TAF4B: variants seen among roughly 807,000 people sequenced by gnomAD.
The protein encoded by TAF4B is transcription initiation factor TFIID subunit 4B.
Under a neutral mutation model 86.4 loss-of-function variants are expected in TAF4B, and 38 were observed. The ratio of observed to expected loss-of-function variants is 0.44; its 90% CI spans 0.34 to 0.58. The LOEUF is 0.58. TAF4B is among the 20% of genes least tolerant of loss of function. The pLI is 0.02. For missense variants in TAF4B, 988 were observed against 1,027.6 expected (o/e 0.96, Z 0.53); for synonymous variants, 388 against 391.2 (o/e 0.99, Z 0.10).
At chr18:26,285,409 A>T (rs2056507521) in intron 6 of TAF4B, among the ~76,000 whole-genome samples, 1 of 151,528 alleles carries the variant, frequency 6.6e-6, no homozygotes, top group South Asian at 2.1e-4. Context: ...GCTGGTCTCA[A>T]ACTCCTGGCC....
At chr18:26,295,234 G>T (rs2049948224) in intron 9 of TAF4B, 2 of 402,550 alleles carry the variant, frequency 5.0e-6, no homozygotes, top group Non-Finnish European at 5.0e-6. Flanking sequence ...TTCACCATCG[G>T]TCTTTTTTTC....
intron 9 of TAF4B, among the ~76,000 whole-genome samples, chr18:26,299,972 CTT>C (rs1281757613): frequency 2.6e-5 from 4 of 151,946 alleles, no homozygotes; most frequent in Admixed American, 6.6e-5. Context: ...TAGTCTCTCT[CTT>C]TTTATTAGTA....
At chr18:26,276,890 G>A (rs2056390673) in intron 5 of TAF4B, among the ~76,000 whole-genome samples, 1 of 152,088 alleles carries the variant, frequency 6.6e-6, no homozygotes, top group Non-Finnish European at 1.5e-5. Flanking sequence ...GAATTTTATG[G>A]ACAGATAGAA....
chr18:26,317,797 A>G (rs1266688517), intron 10 of TAF4B, among the ~76,000 whole-genome samples: 1 of 152,182 alleles, frequency 6.6e-6, no homozygotes, highest in African/African-American at 2.4e-5. Context: ...GGGCGAAGGC[A>G]GTACTTTTAT....
Position 26,293,520 on chromosome 18 carries a change from A to T in TAF4B, c.1821A>T (p.Thr607=), listed in dbSNP as rs186189432. Residue 607 remains threonine (T), a synonymous_variant, in exon 9 of 15, where the codon ACA becomes ACT. Coordinates refer to ENST00000269142, the MANE Select transcript of TAF4B (RefSeq NM_005640.3). The stretch of plus-strand genomic sequence containing the variant: ...AAAATAGAATAAAAGAGAATGTAAC[A>T]TCATGCTTCCGGTAAGAAAATAAAT... ...TQKNRIKENV[T]SCFRDEDDIN... 2.7e-5 allele frequency: 42 copies of T among 1,559,288 alleles called. 1 individual carries two copies. The highest frequency in any genetic ancestry group is 2.1e-4 in the Admixed American group (9 of 43,876).
chr18:26,255,937 C>G, intron 1 of TAF4B: 1 of 1,301,142 alleles, frequency 7.7e-7, no homozygotes, highest in Non-Finnish European at 1.1e-6. Flanking sequence ...GAGCCGTCAT[C>G]TGACTGGTTA....
intron 14 of TAF4B, among the ~76,000 whole-genome samples, chr18:26,388,436 A>C (rs1978505477): frequency 6.6e-6 from 1 of 152,236 alleles, no homozygotes; most frequent in Non-Finnish European, 1.5e-5. Context: ...AACTCTGCTA[A>C]GCTCTAGAGG....
At chr18:26,276,018 A>G (rs1392060628) in intron 5 of TAF4B, among the ~76,000 whole-genome samples, 2 of 149,624 alleles carry the variant, frequency 1.3e-5, no homozygotes, top group African/African-American at 2.4e-5. Flanking sequence ...TCTGTCTCAA[A>G]AAAAAAAAAA....
At chr18:26,238,964 C>T (rs2055793589) in intron 1 of TAF4B, among the ~76,000 whole-genome samples, 1 of 152,130 alleles carries the variant, frequency 6.6e-6, no homozygotes, top group African/African-American at 2.4e-5. Flanking sequence ...GTATATGTGC[C>T]ACATTTTCTT....
chr18:26,229,494 C>CTTTTTT (rs34261854), intron 1 of TAF4B, among the ~76,000 whole-genome samples: 141 of 129,344 alleles, frequency 1.1e-3, no homozygotes, highest in East Asian at 1.9e-3. Context: ...TTCTTTCTTT[C>CTTTTTT]TTTTTTTTTT....
intron 14 of TAF4B, among the ~76,000 whole-genome samples, chr18:26,360,462 A>G (rs567083521): frequency 1.3e-5 from 2 of 152,136 alleles, no homozygotes; most frequent in South Asian, 2.1e-4. Flanking sequence ...TATTCATCTA[A>G]AAGTTTTTAT....
In TAF4B at chr18:26,391,383, C is replaced by G. The variant is rs892957343; in HGVS notation, c.*1371C>G. 1 of 149,998 alleles carries G rather than the reference C, an allele frequency of 6.7e-6. No homozygotes were observed. The highest frequency in any genetic ancestry group is 2.1e-4 in the South Asian group (1 of 4,770). 9.3% of individuals were successfully genotyped at this position (149,998 alleles called of 1,614,324 possible). ...GAAGGAAAAAAAAAAAAACACCTCA[C>G]GTATGTTATTCTTCATCCTGTTCTT... is the stretch of plus-strand genomic sequence containing the variant. On this transcript the variant is annotated 3_prime_UTR_variant, in exon 15 of 15. Transcript: ENST00000269142.
chr18:26,387,758 T>C (rs72881897), intron 14 of TAF4B, among the ~76,000 whole-genome samples: 1 of 152,222 alleles, frequency 6.6e-6, no homozygotes, highest in African/African-American at 2.4e-5. Flanking sequence ...ACGTGGACTT[T>C]CCAAAATTGT....
chr18:26,289,459 C>CGTTTGTTTT (rs780477210), intron 7 of TAF4B, among the ~76,000 whole-genome samples: 5 of 151,926 alleles, frequency 3.3e-5, no homozygotes, highest in African/African-American at 9.7e-5. Context: ...TTCTCATTTG[C>CGTTTGTTTT]GTTTGTTTTG....
At chr18:26,371,917 A>C (rs1043700746) in intron 14 of TAF4B, among the ~76,000 whole-genome samples, 4 of 152,216 alleles carry the variant, frequency 2.6e-5, no homozygotes, top group African/African-American at 9.6e-5. Context: ...GCCATTTGCC[A>C]GAGTGATTGT....
intron 3 of TAF4B, among the ~76,000 whole-genome samples, chr18:26,269,597 C>T (rs747832191): frequency 2.0e-5 from 3 of 152,116 alleles, no homozygotes; most frequent in Non-Finnish European, 4.4e-5. Context: ...CCATACTGCT[C>T]ACGTTCTTTT....
intron 14 of TAF4B, among the ~76,000 whole-genome samples, chr18:26,367,480 T>G (rs1287969652): frequency 6.6e-6 from 1 of 152,180 alleles, no homozygotes; most frequent in Non-Finnish European, 1.5e-5. Flanking sequence ...GAGAGTGAGT[T>G]TGCCCTTTCT....
chr18:26,227,300 CT>C (rs750108217), intron 1 of TAF4B, 24 bp downstream of exon 1: 1 of 1,596,950 alleles, frequency 6.3e-7, no homozygotes, highest in East Asian at 2.3e-5. Context: ...CCTTTCCAGC[CT>C]TGTCTGTCGG....
Position 26,267,425 on chromosome 18 carries a change from G to A in TAF4B, c.490-91G>A, listed in dbSNP as rs74876546. 8.6e-4 allele frequency: 712 copies of A among 830,156 alleles called. 6 individuals carry two copies. The African/African-American group carries it at 9.9e-3, about 12-fold the overall frequency. The allele number at this position is 830,156 out of a possible 1,614,324, so 51.4% of individuals were successfully genotyped here. ...TCCAGTCATAACAAATACATTTGCT[G>A]TCATAAAGTGTTCTAATGTTCACTG... On this transcript the variant is annotated intron_variant, in intron 2 of 14. Transcript: ENST00000269142.
Sources: allele counts gnomAD v4.1 joint callset (sites outside exome capture counted in the v4.1 genomes callset), GRCh38; gene constraint gnomAD v4.1.1; transcripts MANE v1.5; gene names NCBI Gene and HGNC (gene_info 2026-07-23, HGNC 2026-07-21).